The following HERC1 variants were observed in gnomAD, a reference collection of about 807,000 sequenced individuals.
The protein encoded by HERC1 is HECT and RLD domain containing E3 ubiquitin protein ligase family member 1, also known as probable E3 ubiquitin-protein ligase HERC1.
HERC1 carries 160 observed loss-of-function variants against 554.3 expected under a neutral mutation model. The ratio of observed to expected loss-of-function variants is 0.29; its 90% CI spans 0.25 to 0.33. The LOEUF is 0.33. Ranked by LOEUF, HERC1 falls within the 10% of genes least tolerant of loss-of-function variation. HERC1 has a pLI of 1.00. For missense variants in HERC1, 4,919 were observed against 5,918.5 expected, an observed-to-expected ratio of 0.83 and a Z score of 5.54; for synonymous variants, 2,175 against 2,131.7, an observed-to-expected ratio of 1.02 and a Z score of -0.56.
intron 48 of HERC1, 49 bp downstream of exon 48, chr15:63,658,495 T>C (rs1288302750): frequency 2.0e-6 from 3 of 1,510,268 alleles, no homozygotes; most frequent in Non-Finnish European, 1.8e-6. Flanking sequence ...TTCCAGCTAA[T>C]GTACACTAGA....
At chr15:63,724,409 C>T (rs2140670251) in intron 18 of HERC1, among the ~76,000 whole-genome samples, 1 of 152,290 alleles carries the variant, frequency 6.6e-6, no homozygotes, top group African/African-American at 2.4e-5. Context: ...GATGAATGTA[C>T]ACTCATATTT....
chr15:63,633,155 C>A (rs962935447), intron 67 of HERC1, among the ~76,000 whole-genome samples: 1 of 152,180 alleles, frequency 6.6e-6, no homozygotes, highest in African/African-American at 2.4e-5. Context: ...CTTTTATGGG[C>A]GACAATAACT....
chr15:63,715,078 G>A (rs2073486487), intron 22 of HERC1, among the ~76,000 whole-genome samples: 1 of 152,136 alleles, frequency 6.6e-6, no homozygotes, highest in African/African-American at 2.4e-5. Context: ...AATGGTCATT[G>A]GTGTTTGGGG....
intron 12 of HERC1, among the ~76,000 whole-genome samples, chr15:63,739,659 T>C (rs2074708110): frequency 6.6e-6 from 1 of 151,808 alleles, no homozygotes; most frequent in African/African-American, 2.4e-5. Flanking sequence ...GCCAACATGG[T>C]GAAACCCTGT....
At chr15:63,768,731 A>G (rs1018927858) in intron 2 of HERC1, among the ~76,000 whole-genome samples, 7 of 152,184 alleles carry the variant, frequency 4.6e-5, no homozygotes, top group Non-Finnish European at 1.0e-4. Context: ...GTTTTTAGTG[A>G]TAAACTTGGG....
At position 63,694,940 on chromosome 15, in the gene HERC1, AC is replaced by A. The variant is rs1263918950; in HGVS notation, c.5122-47del. 6.4e-7 allele frequency: 1 copy of A among 1,552,178 alleles called. No individual in the cohort carries two copies. The highest frequency in any genetic ancestry group is 1.4e-5 in the African/African-American group (1 of 73,038). ...TACTTTTTCTATTAGCAACAATAATACCTGCTTGCAAAAAGAAGTAATAACA... is the reference window on the plus strand; with the variant it reads ...TACTTTTTCTATTAGCAACAATAATACTGCTTGCAAAAAGAAGTAATAACA... On this transcript the variant is annotated intron_variant, in intron 27 of 77. Transcript: ENST00000443617. The surrounding 1 kb of genome is among the most constrained non-coding windows in gnomAD (Gnocchi z 4.3).
intron 2 of HERC1, 106 bp from the exon 3 acceptor site, chr15:63,764,297 T>C (rs1314387609): frequency 5.5e-6 from 4 of 729,496 alleles, no homozygotes; most frequent in South Asian, 3.4e-5. Context: ...GACCTGTTTA[T>C]ATAATTATGT....
rs1030721237 is a variant in HERC1, at chr15:63,775,521, C to A, written c.103G>T (p.Ala35Ser). Residue 35 changes from alanine (A) to serine (S), a missense_variant, in exon 2 of 78, where the codon GCT (alanine) becomes TCT (serine). Ala to Ser is a moderately conservative substitution (Grantham distance 99, BLOSUM62 1). Around this residue, in one of 11 missense-constraint regions of HERC1, gnomAD observed 110 missense variants for 99.3 expected, o/e 1.11. Transcript: ENST00000443617. This position sits in a 1 kb window ranked among gnomAD's most constrained non-coding sequence, Gnocchi z 4.0. The part of the protein sequence containing the change: ...SESIATREGV[A>S]VLYSKLVSNK... ...CTAACCAGTTTAGAATACAGAACAG[C>A]AACTCCCTCTCTTGTAGCAATAGAT... 1.2e-6 allele frequency: 2 copies of A among 1,613,850 alleles called. No individual in the cohort carries two copies. The highest frequency in any genetic ancestry group is 3.3e-5 in the Admixed American group (2 of 59,996).
At chr15:63,730,998 T>C (rs1436615238) in intron 14 of HERC1, among the ~76,000 whole-genome samples, 1 of 152,222 alleles carries the variant, frequency 6.6e-6, no homozygotes, top group Non-Finnish European at 1.5e-5. Context: ...CTTTCCTTTG[T>C]CCTTTTAAAA....
intron 31 of HERC1, 41 bp from the exon 32 acceptor site, chr15:63,690,688 A>C (rs2072054790): frequency 8.1e-7 from 1 of 1,238,304 alleles, no homozygotes; most frequent in Non-Finnish European, 1.2e-6. Flanking sequence ...AATGTGACTT[A>C]AATTCAAAGT....
chr15:63,642,925 C>A, intron 59 of HERC1, 32 bp downstream of exon 59: 1 of 1,258,736 alleles, frequency 7.9e-7, no homozygotes, highest in Non-Finnish European at 1.2e-6. Context: ...TACAAGCTTA[C>A]ACCCTATCAT....
At position 63,680,201 on chromosome 15, in the gene HERC1, A is replaced by G; in HGVS notation, c.6466-41T>C. On this transcript the variant is annotated intron_variant, in intron 35 of 77. Coordinates refer to ENST00000443617, the MANE Select transcript of HERC1 (RefSeq NM_003922.4). This position sits in a 1 kb window ranked among gnomAD's most constrained non-coding sequence, Gnocchi z 5.8. ...AGTGAGGAAAAGAAAAAGGAAATAG[A>G]AATTTTTTTAATTCACAATATCTAA... The G allele has an allele frequency of 6.7e-7, 1 of 1,485,550 alleles. No homozygotes were observed. Among genetic ancestry groups the G allele is most frequent in the Non-Finnish European group, 9.3e-7 (1 of 1,072,508 alleles). 92.0% of individuals were successfully genotyped at this position (1,485,550 alleles called of 1,614,324 possible).
intron 1 of HERC1, among the ~76,000 whole-genome samples, chr15:63,831,594 C>G (rs567583244): frequency 3.9e-5 from 6 of 152,238 alleles, no homozygotes; most frequent in African/African-American, 1.4e-4. Context: ...ATCTGAAAAT[C>G]TGAATTTTAA....
At chr15:63,723,455 TC>T in intron 18 of HERC1, 100 bp from the exon 19 acceptor site, 1 of 848,684 alleles carries the variant, frequency 1.2e-6, no homozygotes, top group Non-Finnish European at 1.8e-6. Flanking sequence ...ATGATAAACT[TC>T]AAACCATTTT....
chr15:63,752,829 TA>T (rs920294152), intron 8 of HERC1, 128 bp downstream of exon 8: 2 of 872,012 alleles, frequency 2.3e-6, no homozygotes, highest in African/African-American at 3.4e-5. Context: ...CAGAAGAAGA[TA>T]TTTCATTTTA....
At chr15:63,801,432 G>C (rs536774670) in intron 1 of HERC1, among the ~76,000 whole-genome samples, 1 of 152,146 alleles carries the variant, frequency 6.6e-6, no homozygotes, top group African/African-American at 2.4e-5. Flanking sequence ...ACAGCCCGTT[G>C]GTATCTGGAA....
chr15:63,760,770 CTG>C (rs2075585854), intron 3 of HERC1, among the ~76,000 whole-genome samples: 1 of 151,930 alleles, frequency 6.6e-6, no homozygotes, highest in African/African-American at 2.4e-5. Flanking sequence ...AAATAAGAAA[CTG>C]TAATTTAGGG....
In HERC1 at chr15:63,756,333, T is replaced by C; in HGVS notation, c.1533+104A>G. On this transcript the variant is annotated intron_variant, in intron 5 of 77. Transcript: ENST00000443617. This position sits in a 1 kb window ranked among gnomAD's most constrained non-coding sequence, Gnocchi z 5.0. ...AGATACAAAAGATTAAGCCAAAGGG[T>C]TGAAGGGGCAACTGCAGAAAGAACA... 1 of 903,854 alleles carries C rather than the reference T, an allele frequency of 1.1e-6. No homozygotes were observed. The highest frequency in any genetic ancestry group is 1.7e-6 in the Non-Finnish European group (1 of 575,226). 56.0% of individuals were successfully genotyped at this position (903,854 alleles called of 1,614,324 possible). A position where few individuals can be genotyped will look rare whatever the true frequency, so the allele number is the denominator to read the frequency against.
At chr15:63,741,082 G>A (rs906660607) in intron 12 of HERC1, among the ~76,000 whole-genome samples, 1 of 151,802 alleles carries the variant, frequency 6.6e-6, no homozygotes, top group African/African-American at 2.4e-5. Context: ...AGGCTGGAGT[G>A]CAATGGTGCG....
Sources: gnomAD v4.1 joint callset for allele counts (sites outside exome capture counted in the v4.1 genomes callset) on GRCh38, gnomAD v4.1.1 for gene constraint, gnomAD v4.1.1 regional missense constraint, Gnocchi (gnomAD v3.1) non-coding constraint, MANE v1.5 for transcripts, NCBI Gene and HGNC (gene_info 2026-07-23, HGNC 2026-07-21) for gene names.